NKAIN2: variants seen among roughly 807,000 people sequenced by gnomAD.
The protein encoded by NKAIN2 is sodium/potassium-transporting ATPase subunit beta-1-interacting protein 2.
In NKAIN2, 14 loss-of-function variants were observed where a neutral mutation model predicts 32.6. The ratio of observed to expected loss-of-function variants is 0.43; its 90% CI spans 0.28 to 0.67. NKAIN2 has a LOEUF of 0.67. NKAIN2 is among the 30% of genes least tolerant of loss of function. The pLI, the probability that NKAIN2 is intolerant of heterozygous loss-of-function variation, is 0.17. For missense variants in NKAIN2, 198 were observed against 258.3 expected (o/e 0.77, Z 1.60); for synonymous variants, 80 against 87.2 (o/e 0.92, Z 0.46).
chr6:124,365,285 C>A (rs1554289056), intron 3 of NKAIN2, among the ~76,000 whole-genome samples: 3 of 151,616 alleles, frequency 2.0e-5, no homozygotes, highest in Non-Finnish European at 4.4e-5. Context: ...GTATTGTTGT[C>A]TATAAGAGAT....
Position 123,835,970 on chromosome 6 carries a change from A to G in NKAIN2, c.54+31716A>G, listed in dbSNP as rs556244274. ...ACGTTCATTAAAATACACCTTCTCT[A>G]CAATATTATTGGAAAGTCAAAATGG... On this transcript the variant is annotated intron_variant, in intron 1 of 6. Transcript: ENST00000368417. 3.3e-5 allele frequency among the ~76,000 whole-genome samples: 5 copies of G among 152,250 alleles called. No individual in the cohort carries two copies. The South Asian group carries it at 8.3e-4, about 25-fold the overall frequency.
At chr6:124,399,716 A>T (rs1204253999) in intron 3 of NKAIN2, among the ~76,000 whole-genome samples, 1 of 152,236 alleles carries the variant, frequency 6.6e-6, no homozygotes, top group Admixed American at 6.5e-5. Context: ...CAGAGGATAG[A>T]ATTAAAAGAA....
chr6:123,987,356 G>T (rs762358534), intron 1 of NKAIN2, among the ~76,000 whole-genome samples: 1 of 152,052 alleles, frequency 6.6e-6, no homozygotes, highest in Non-Finnish European at 1.5e-5. Flanking sequence ...CGTTTTGAAG[G>T]TATTGAAATT....
intron 2 of NKAIN2, among the ~76,000 whole-genome samples, chr6:124,295,836 A>C (rs569981014): frequency 2.3e-4 from 35 of 152,188 alleles, no homozygotes; most frequent in Admixed American, 1.5e-3. Flanking sequence ...AACCAACTCA[A>C]CTTCCCAATC....
intron 1 of NKAIN2, among the ~76,000 whole-genome samples, chr6:124,229,541 C>T (rs2224625): frequency 0.68 from 93,581 of 136,746 alleles, 30,803 homozygotes; most frequent in South Asian, 0.75. Context: ...GATAGACAGA[C>T]AGACAGACAG....
intron 1 of NKAIN2, among the ~76,000 whole-genome samples, chr6:123,865,771 T>C (rs997949085): frequency 6.6e-6 from 1 of 152,106 alleles, no homozygotes; most frequent in Non-Finnish European, 1.5e-5. Flanking sequence ...TCAATGGTGG[T>C]TGGAACAATC....
At chr6:124,320,214 AT>A (rs1797117981) in intron 2 of NKAIN2, among the ~76,000 whole-genome samples, 1 of 152,118 alleles carries the variant, frequency 6.6e-6, no homozygotes. Flanking sequence ...TTGCTCTCAT[AT>A]TTAGTTGTCT....
At chr6:124,075,574 T>C (rs186139870) in intron 1 of NKAIN2, among the ~76,000 whole-genome samples, 71 of 152,220 alleles carry the variant, frequency 4.7e-4, no homozygotes, top group African/African-American at 1.7e-3. Context: ...CTATAAAACT[T>C]TAGGAAGTAT....
In NKAIN2 at chr6:124,196,725, T is replaced by G. The variant is rs542799281; in HGVS notation, c.55-86280T>G. Reference sequence around the variant, plus strand: ...TTTGATCTTAATTATATTTGCAAATTTAATTGAACTATTAATATTGAAGAT... The same window carrying G: ...TTTGATCTTAATTATATTTGCAAATGTAATTGAACTATTAATATTGAAGAT... On this transcript the variant is annotated intron_variant, in intron 1 of 6. Coordinates refer to ENST00000368417, the MANE Select transcript of NKAIN2 (RefSeq NM_001040214.3). 5.1e-4 allele frequency among the ~76,000 whole-genome samples: 78 copies of G among 152,186 alleles called. 1 individual carries two copies. Among genetic ancestry groups the G allele is most frequent in the African/African-American group, 1.8e-3 (76 of 41,564 alleles).
chr6:124,701,843 G>T (rs1283908619), intron 4 of NKAIN2, among the ~76,000 whole-genome samples: 5 of 151,924 alleles, frequency 3.3e-5, no homozygotes, highest in Non-Finnish European at 7.4e-5. Context: ...CAAGATTATT[G>T]CATGGCCTAA....
chr6:124,602,925 C>A (rs969909876), intron 3 of NKAIN2, among the ~76,000 whole-genome samples: 4 of 151,876 alleles, frequency 2.6e-5, no homozygotes, highest in African/African-American at 9.7e-5. Flanking sequence ...AAAACCTGGC[C>A]ACCTAAACAG....
At chr6:124,527,459 C>T (rs1779361703) in intron 3 of NKAIN2, among the ~76,000 whole-genome samples, 1 of 152,116 alleles carries the variant, frequency 6.6e-6, no homozygotes, top group African/African-American at 2.4e-5. Context: ...GAACGTGTAT[C>T]ATTAATATTA....
At chr6:124,088,770 T>A (rs1784300148) in intron 1 of NKAIN2, among the ~76,000 whole-genome samples, 1 of 152,068 alleles carries the variant, frequency 6.6e-6, no homozygotes, top group Admixed American at 6.6e-5. Flanking sequence ...ATCAACATTG[T>A]TTTGTTTTAC....
rs117007803 is a variant in NKAIN2, at chr6:124,277,245, T to C, written c.55-5760T>C. Among the ~76,000 whole-genome samples the C allele has an allele frequency of 1.7e-3, 258 of 152,242 alleles. 7 individuals carry two copies. In the East Asian group the frequency reaches 0.045, roughly 27 times the overall value. On this transcript the variant is annotated intron_variant, in intron 1 of 6. Transcript: ENST00000368417. ...AATGTAAAAACAAACAAACGAATGT[T>C]AGCAGCAACTTTTATTGACAAAAGT...
At position 123,803,894 on chromosome 6, in the gene NKAIN2, G is replaced by A. The variant is rs1029974443; in HGVS notation, c.-307G>A. ...GCCCGAGGGCGCGGCGGCGCTGCCA[G>A]GCTGCCGCTGCTGCCCCTGCGGGCC... On this transcript the variant is annotated 5_prime_UTR_variant, in exon 1 of 7. Transcript: ENST00000368417. Among the ~76,000 whole-genome samples the A allele has an allele frequency of 2.0e-5, 3 of 148,212 alleles. No homozygotes were observed. The highest frequency in any genetic ancestry group is 7.3e-5 in the African/African-American group (3 of 41,016).
intron 3 of NKAIN2, among the ~76,000 whole-genome samples, chr6:124,452,926 T>G (rs760342828): frequency 5.3e-5 from 8 of 152,030 alleles, no homozygotes; most frequent in Non-Finnish European, 8.8e-5. Context: ...CACAATTAGT[T>G]GAGTGGTTTG....
At chr6:124,071,954 A>C (rs112105215) in intron 1 of NKAIN2, among the ~76,000 whole-genome samples, 2,700 of 152,268 alleles carry the variant, frequency 0.018, 47 homozygotes, top group African/African-American at 0.041. Context: ...TACCATTCCA[A>C]GTAGCAATAC....
At chr6:124,689,143 G>A (rs1258620479) in intron 4 of NKAIN2, among the ~76,000 whole-genome samples, 2 of 152,082 alleles carry the variant, frequency 1.3e-5, no homozygotes, top group African/African-American at 4.8e-5. Flanking sequence ...AGCATTTGAT[G>A]CTGTCACTGT....
At chr6:123,979,247 G>A (rs1439749106) in intron 1 of NKAIN2, among the ~76,000 whole-genome samples, 1 of 152,026 alleles carries the variant, frequency 6.6e-6, no homozygotes, top group African/African-American at 2.4e-5. Context: ...TTAAAACCTT[G>A]GAATTAGAAA....
Sources: allele counts gnomAD v4.1 joint callset (sites outside exome capture counted in the v4.1 genomes callset), GRCh38; gene constraint gnomAD v4.1.1; transcripts MANE v1.5; gene names NCBI Gene and HGNC (gene_info 2026-07-23, HGNC 2026-07-21).